Variants in FBXL7 observed in about 807,000 individuals in gnomAD.
FBXL7 encodes F-box and leucine rich repeat protein 7.
A neutral mutation model predicts 38.3 loss-of-function variants in FBXL7; 12 were observed. The observed-to-expected ratio is 0.31, with a 90% confidence interval of 0.20 to 0.51. The LOEUF (loss-of-function observed/expected upper bound fraction) is 0.51, where lower values mean the gene tolerates loss of function less well. Among genes scored for constraint, FBXL7 ranks in the 20% least tolerant of loss-of-function variants. The pLI is 0.98. For missense variants in FBXL7, 567 were observed against 676.4 expected (o/e 0.84, Z 1.79); for synonymous variants, 297 against 300.9 (o/e 0.99, Z 0.13).
chr5:15,684,133 A>C (rs1742936483), intron 2 of FBXL7, among the ~76,000 whole-genome samples: 1 of 152,104 alleles, frequency 6.6e-6, no homozygotes, highest in Non-Finnish European at 1.5e-5. Context: ...CCTTTCATCC[A>C]CCCATTCACT....
chr5:15,693,476 G>A (rs900906887), intron 2 of FBXL7, among the ~76,000 whole-genome samples: 1 of 152,246 alleles, frequency 6.6e-6, no homozygotes, highest in Admixed American at 6.5e-5. Flanking sequence ...GCGGTGGGCC[G>A]GGAAGTGCTG....
At chr5:15,619,435 A>G (rs554117421) in intron 2 of FBXL7, among the ~76,000 whole-genome samples, 3 of 152,072 alleles carry the variant, frequency 2.0e-5, no homozygotes, top group Non-Finnish European at 4.4e-5. Flanking sequence ...CTACCTAACT[A>G]CCTGTAACAA....
chr5:15,617,969 C>A (rs539844576), intron 2 of FBXL7, among the ~76,000 whole-genome samples: 3 of 152,142 alleles, frequency 2.0e-5, no homozygotes, highest in African/African-American at 7.2e-5. Context: ...CTTATTTTTT[C>A]TCCTTTTCAA....
chr5:15,586,473 C>T (rs566837033), intron 1 of FBXL7, among the ~76,000 whole-genome samples: 1 of 151,846 alleles, frequency 6.6e-6, no homozygotes, highest in South Asian at 2.1e-4. Context: ...TGAAGTGTTC[C>T]CTACTTTAAC....
intron 2 of FBXL7, among the ~76,000 whole-genome samples, chr5:15,714,908 A>G (rs1481003076): frequency 6.6e-6 from 1 of 151,022 alleles, no homozygotes; most frequent in Non-Finnish European, 1.5e-5. Context: ...CATCCTGATG[A>G]CAGAAGTAGA....
Position 15,555,251 on chromosome 5 carries a change from A to G in FBXL7, c.37+54538A>G, listed in dbSNP as rs117646678. Among the ~76,000 whole-genome samples, 26 of 152,324 alleles carry G rather than the reference A, an allele frequency of 1.7e-4. No individual in the cohort carries two copies. The East Asian group carries it at 3.5e-3, about 20-fold the overall frequency. On this transcript the variant is annotated intron_variant, in intron 1 of 3. Coordinates refer to ENST00000504595, the MANE Select transcript of FBXL7 (RefSeq NM_012304.5). The stretch of plus-strand genomic sequence containing the variant: ...CCCACAGAACATCCAGTTAAAGGAA[A>G]AATACCAGTTTCTTACTTCCGGTAC...
chr5:15,619,385 T>C (rs1468860217), intron 2 of FBXL7, among the ~76,000 whole-genome samples: 1 of 152,084 alleles, frequency 6.6e-6, no homozygotes. Flanking sequence ...ACATTTCTAG[T>C]TGGGGTGGGA....
chr5:15,830,576 A>G (rs1487723183), intron 2 of FBXL7, among the ~76,000 whole-genome samples: 4 of 151,782 alleles, frequency 2.6e-5, no homozygotes. Context: ...GTAAGACTTC[A>G]ATCTCTTTCT....
chr5:15,838,645 G>A (rs1037056755), intron 2 of FBXL7, among the ~76,000 whole-genome samples: 5 of 152,164 alleles, frequency 3.3e-5, no homozygotes, highest in Non-Finnish European at 7.4e-5. Flanking sequence ...TATTTCAGCT[G>A]TATTTGGCAC....
chr5:15,866,815 T>A (rs1029042507), intron 2 of FBXL7, among the ~76,000 whole-genome samples: 5 of 152,152 alleles, frequency 3.3e-5, no homozygotes, highest in African/African-American at 1.2e-4. Flanking sequence ...TCCAGCTTCA[T>A]CCATATCCCT....
chr5:15,600,051 C>T (rs921889581), intron 1 of FBXL7, among the ~76,000 whole-genome samples: 1 of 152,210 alleles, frequency 6.6e-6, no homozygotes, highest in Non-Finnish European at 1.5e-5. Context: ...GAAACATGCA[C>T]ATGCTCAAAT....
Position 15,937,552 on chromosome 5 carries a change from C to G in FBXL7, c.*366C>G, listed in dbSNP as rs1742233752. The G allele has an allele frequency of 1.6e-5, 3 of 182,378 alleles. No homozygotes were observed. Among genetic ancestry groups the G allele is most frequent in the Admixed American group, 6.0e-5 (1 of 16,560 alleles). The allele number at this position is 182,378 out of a possible 1,614,324, so 11.3% of individuals were successfully genotyped here. On this transcript the variant is annotated 3_prime_UTR_variant, in exon 4 of 4. Coordinates refer to ENST00000504595, the MANE Select transcript of FBXL7 (RefSeq NM_012304.5). ...CCCACCCCCACAGTTCCACGCCCCCCCCCCAAGGCCACACCCTCCCTCCCT... is the reference window on the plus strand; with the variant it reads ...CCCACCCCCACAGTTCCACGCCCCCGCCCCAAGGCCACACCCTCCCTCCCT...
chr5:15,606,862 G>A (rs1388659964), intron 1 of FBXL7: 1 of 152,082 alleles, frequency 6.6e-6, no homozygotes, highest in Non-Finnish European at 1.5e-5. Flanking sequence ...CTCCACCCCT[G>A]GAGAAGTCAT....
intron 2 of FBXL7, among the ~76,000 whole-genome samples, chr5:15,906,419 A>G (rs78411276): frequency 1.3e-4 from 18 of 143,004 alleles, no homozygotes; most frequent in African/African-American, 4.3e-4. Flanking sequence ...GCTATTTTAC[A>G]TAGTTGACCT....
At chr5:15,914,328 G>A (rs1350625472) in intron 2 of FBXL7, among the ~76,000 whole-genome samples, 1 of 149,228 alleles carries the variant, frequency 6.7e-6, no homozygotes, top group Non-Finnish European at 1.5e-5. Context: ...AGAGCTTGCA[G>A]TGAGCCGAGA....
chr5:15,722,921 C>CAAAAAAAAAAAAAAA (rs752341974), intron 2 of FBXL7, among the ~76,000 whole-genome samples: 1 of 60,596 alleles, frequency 1.7e-5, no homozygotes, highest in Non-Finnish European at 3.8e-5. Context: ...GACTCCGTCT[C>CAAAAAAAAAAAAAAA]AAAAAAAACA....
chr5:15,501,355 CTT>C (rs1443378969), intron 1 of FBXL7: 2 of 926,528 alleles, frequency 2.2e-6, no homozygotes, highest in Non-Finnish European at 2.6e-6. Context: ...GTTAGGGAAA[CTT>C]TAAACTCCAC....
chr5:15,614,493 C>T (rs1219364063), intron 1 of FBXL7, among the ~76,000 whole-genome samples: 2 of 152,130 alleles, frequency 1.3e-5, no homozygotes, highest in East Asian at 3.9e-4. Flanking sequence ...TAGTTTTGAA[C>T]TTTTGACCTC....
At chr5:15,853,182 A>G (rs1739152220) in intron 2 of FBXL7, among the ~76,000 whole-genome samples, 2 of 152,178 alleles carry the variant, frequency 1.3e-5, no homozygotes. Flanking sequence ...TCACTGTGCT[A>G]CAGTGGAACA....
Sources: allele counts gnomAD v4.1 joint callset (sites outside exome capture counted in the v4.1 genomes callset), GRCh38; gene constraint gnomAD v4.1.1; transcripts MANE v1.5; gene names NCBI Gene and HGNC (gene_info 2026-07-23, HGNC 2026-07-21).